ZFAND3: variants seen among roughly 807,000 people sequenced by gnomAD.
ZFAND3 encodes zinc finger AN1-type containing 3.
Under a neutral mutation model 29.6 loss-of-function variants are expected in ZFAND3, and 10 were observed. The ratio of observed to expected loss-of-function variants is 0.34; its 90% CI spans 0.21 to 0.57. ZFAND3 has a LOEUF of 0.57. Among genes scored for constraint, ZFAND3 ranks in the 20% least tolerant of loss-of-function variants. The pLI, the probability that ZFAND3 is intolerant of heterozygous loss-of-function variation, is 0.86. For missense variants in ZFAND3, 230 were observed against 304.5 expected (o/e 0.76, Z 1.82); for synonymous variants, 128 against 112.6 (o/e 1.14, Z -0.87).
intron 2 of ZFAND3, among the ~76,000 whole-genome samples, chr6:38,049,276 C>A (rs945073409): frequency 1.3e-5 from 2 of 152,130 alleles, no homozygotes; most frequent in Admixed American, 1.3e-4. Context: ...TTTAAGAAGT[C>A]GGAAGAGGAA....
chr6:38,020,586 G>A (rs984253309), intron 2 of ZFAND3, among the ~76,000 whole-genome samples: 2 of 152,186 alleles, frequency 1.3e-5, no homozygotes, highest in African/African-American at 4.8e-5. Context: ...ATGGCATGTG[G>A]ATAAAAAATA....
intron 2 of ZFAND3, among the ~76,000 whole-genome samples, chr6:37,993,393 C>A (rs1224604291): frequency 6.6e-6 from 1 of 151,742 alleles, no homozygotes; most frequent in Non-Finnish European, 1.5e-5. Flanking sequence ...GTGGCGTGAT[C>A]TCAGCTCACT....
intron 1 of ZFAND3, among the ~76,000 whole-genome samples, chr6:37,869,111 C>A (rs2127387210): frequency 6.6e-6 from 1 of 152,198 alleles, no homozygotes; most frequent in African/African-American, 2.4e-5. Context: ...GCATAAAGTT[C>A]ATTGTATCGT....
chr6:37,884,307 A>G (rs1172213413), intron 1 of ZFAND3, among the ~76,000 whole-genome samples: 2 of 143,790 alleles, frequency 1.4e-5, no homozygotes, highest in East Asian at 3.9e-4. Flanking sequence ...CAGCCTGGCC[A>G]ACACAGAGAA....
chr6:37,906,812 C>T (rs1296726659), intron 1 of ZFAND3, among the ~76,000 whole-genome samples: 1 of 151,672 alleles, frequency 6.6e-6, no homozygotes, highest in Non-Finnish European at 1.5e-5. Flanking sequence ...GATTTTTGAC[C>T]ATTCGTATAT....
chr6:38,092,649 A>G (rs1232180274), intron 4 of ZFAND3, among the ~76,000 whole-genome samples: 1 of 152,182 alleles, frequency 6.6e-6, no homozygotes, highest in Non-Finnish European at 1.5e-5. Flanking sequence ...AAAACTTCAA[A>G]TGTGACTTGG....
chr6:37,848,812 T>G (rs964683525), intron 1 of ZFAND3, among the ~76,000 whole-genome samples: 8 of 152,302 alleles, frequency 5.3e-5, no homozygotes, highest in African/African-American at 1.9e-4. Context: ...TAACAATGTT[T>G]GGTGTCTCGA....
chr6:38,120,653 G>A lies in ZFAND3; in HGVS notation c.529+3914G>A, dbSNP rs535473628. Among the ~76,000 whole-genome samples the A allele has an allele frequency of 1.2e-3, 187 of 152,204 alleles. 1 individual carries two copies. The highest frequency in any genetic ancestry group is 1.6e-3 in the African/African-American group (66 of 41,534). On this transcript the variant is annotated intron_variant, in intron 5 of 5. Coordinates refer to ENST00000287218, the MANE Select transcript of ZFAND3 (RefSeq NM_021943.3). ...CTTGGCTTCTTAATCACTGTGCAATGCTTGCTAGAACTGCAGAACTAATTT... is the reference window on the plus strand; with the variant it reads ...CTTGGCTTCTTAATCACTGTGCAATACTTGCTAGAACTGCAGAACTAATTT...
At chr6:37,895,381 C>T (rs957480099) in intron 1 of ZFAND3, among the ~76,000 whole-genome samples, 1 of 147,934 alleles carries the variant, frequency 6.8e-6, no homozygotes, top group Non-Finnish European at 1.5e-5. Flanking sequence ...GTTGCCCAGG[C>T]TGGAGTGCAG....
intron 2 of ZFAND3, among the ~76,000 whole-genome samples, chr6:37,941,849 A>G (rs1197739217): frequency 6.6e-6 from 1 of 152,142 alleles, no homozygotes; most frequent in Admixed American, 6.5e-5. Flanking sequence ...TTGTATCCAT[A>G]TTTATCAGTT....
intron 2 of ZFAND3, among the ~76,000 whole-genome samples, chr6:38,032,088 C>A (rs1763573096): frequency 6.6e-6 from 1 of 152,152 alleles, no homozygotes; most frequent in Non-Finnish European, 1.5e-5. Flanking sequence ...CCTCCTCAAC[C>A]TCCCAAAGTT....
intron 2 of ZFAND3, among the ~76,000 whole-genome samples, chr6:37,959,084 T>G (rs1442487398): frequency 6.6e-6 from 1 of 152,194 alleles, no homozygotes; most frequent in Non-Finnish European, 1.5e-5. Flanking sequence ...AGAAGTGGAA[T>G]AGTGAGTAAG....
intron 2 of ZFAND3, among the ~76,000 whole-genome samples, chr6:38,002,035 T>C (rs765339902): frequency 1.7e-4 from 26 of 152,192 alleles, no homozygotes; most frequent in Non-Finnish European, 3.7e-4. Context: ...GTGTGAACAT[T>C]TTAAATGCAG....
intron 1 of ZFAND3, among the ~76,000 whole-genome samples, chr6:37,876,559 G>C (rs1306744200): frequency 2.6e-5 from 4 of 152,152 alleles, no homozygotes; most frequent in Non-Finnish European, 5.9e-5. Flanking sequence ...CTCATTGTAG[G>C]AGTTCTTGTA....
chr6:37,907,748 A>G (rs888945654), intron 1 of ZFAND3, among the ~76,000 whole-genome samples: 11 of 152,248 alleles, frequency 7.2e-5, no homozygotes, highest in Non-Finnish European at 1.3e-4. Flanking sequence ...TAAACCCCAC[A>G]GAAAGATTGA....
intron 2 of ZFAND3, among the ~76,000 whole-genome samples, chr6:38,042,088 G>T (rs1763800740): frequency 6.6e-6 from 1 of 151,126 alleles, no homozygotes; most frequent in South Asian, 2.1e-4. Context: ...CCTGACCTCA[G>T]CCTCCCAAAG....
intron 2 of ZFAND3, among the ~76,000 whole-genome samples, chr6:37,941,504 T>C (rs1761810467): frequency 6.6e-6 from 1 of 152,174 alleles, no homozygotes; most frequent in Admixed American, 6.5e-5. Context: ...CTAACACATT[T>C]TCTGTTTTGG....
chr6:37,961,799 C>T (rs1762203287), intron 2 of ZFAND3, among the ~76,000 whole-genome samples: 1 of 152,220 alleles, frequency 6.6e-6, no homozygotes, highest in Non-Finnish European at 1.5e-5. Flanking sequence ...CACAGTCCTG[C>T]TGGGCTTGAG....
At chr6:37,994,228 G>T (rs561228534) in intron 2 of ZFAND3, among the ~76,000 whole-genome samples, 155 of 152,224 alleles carry the variant, frequency 1.0e-3, no homozygotes, top group South Asian at 3.9e-3. Flanking sequence ...AAATCCTTCA[G>T]TGTCTTCCAT....
Sources: gnomAD v4.1 joint callset for allele counts (sites outside exome capture counted in the v4.1 genomes callset) on GRCh38, gnomAD v4.1.1 for gene constraint, MANE v1.5 for transcripts, NCBI Gene and HGNC (gene_info 2026-07-23, HGNC 2026-07-21) for gene names.